The following CTNNA2 variants were observed in gnomAD, a reference collection of about 807,000 sequenced individuals.
CTNNA2 encodes catenin alpha-2.
A neutral mutation model predicts 101.0 loss-of-function variants in CTNNA2; 42 were observed. The ratio of observed to expected loss-of-function variants is 0.42; its 90% CI spans 0.32 to 0.54. CTNNA2 has a LOEUF of 0.54. Ranked by LOEUF, CTNNA2 falls within the 20% of genes least tolerant of loss-of-function variation. The probability of loss-of-function intolerance (pLI) is 0.14; values close to 1 mark genes in which losing one functional copy is unlikely to be tolerated. For synonymous variants in CTNNA2, 450 were observed against 456.4 expected (o/e 0.99, Z 0.18); for missense variants, 871 against 1,223.1 (o/e 0.71, Z 4.29).
intron 1 of CTNNA2, among the ~76,000 whole-genome samples, chr2:79,649,606 A>G (rs1681073614): frequency 6.6e-6 from 1 of 152,204 alleles, no homozygotes; most frequent in Admixed American, 6.5e-5. Flanking sequence ...AATTCTGTAT[A>G]TGACAGAGCT....
At chr2:79,241,848 A>G (rs1296623775) in intron 2 of CTNNA2, among the ~76,000 whole-genome samples, 1 of 152,146 alleles carries the variant, frequency 6.6e-6, no homozygotes, top group East Asian at 1.9e-4. Flanking sequence ...TTAGGAGACT[A>G]ACACCTATAA....
chr2:79,550,901 T>C (rs1168941793), intron 1 of CTNNA2, among the ~76,000 whole-genome samples: 2 of 152,184 alleles, frequency 1.3e-5, no homozygotes, highest in African/African-American at 4.8e-5. Context: ...CTTCCCACTA[T>C]ATCTAAAGAC....
chr2:79,341,051 C>A (rs1677126583), intron 3 of CTNNA2, among the ~76,000 whole-genome samples: 2 of 151,860 alleles, frequency 1.3e-5, no homozygotes, highest in South Asian at 4.2e-4. Flanking sequence ...CTCATTTATT[C>A]TTCACAACAA....
At chr2:79,981,606 C>T (rs546334803) in intron 7 of CTNNA2, among the ~76,000 whole-genome samples, 7 of 152,198 alleles carry the variant, frequency 4.6e-5, no homozygotes, top group East Asian at 1.9e-4. Context: ...TTGGAAAACA[C>T]GGCCACAGTA....
chr2:79,359,789 T>TG (rs138142978), intron 3 of CTNNA2, among the ~76,000 whole-genome samples: 6 of 125,872 alleles, frequency 4.8e-5, no homozygotes, highest in Non-Finnish European at 9.1e-5. Flanking sequence ...AGTCTGAAGG[T>TG]TTTTTTTTTC....
chr2:80,646,415 TA>T (rs1674095805), intron 18 of CTNNA2, among the ~76,000 whole-genome samples: 1 of 152,172 alleles, frequency 6.6e-6, no homozygotes, highest in African/African-American at 2.4e-5. Context: ...GCTGGAATGA[TA>T]TTTGCAGTTC....
chr2:80,604,045 T>C (rs1325137302), intron 15 of CTNNA2, 29 bp from the exon 16 acceptor site: 1 of 1,586,066 alleles, frequency 6.3e-7, no homozygotes, highest in Non-Finnish European at 8.7e-7. Context: ...TTAAGTGGAT[T>C]TCTAATTATG....
At chr2:80,536,324 A>C (rs1691016670) in intron 9 of CTNNA2, among the ~76,000 whole-genome samples, 1 of 152,158 alleles carries the variant, frequency 6.6e-6, no homozygotes, top group African/African-American at 2.4e-5. Context: ...CACATGACTG[A>C]CTATAAATTC....
chr2:79,666,159 A>G (rs1256356022), intron 2 of CTNNA2, among the ~76,000 whole-genome samples: 2 of 152,208 alleles, frequency 1.3e-5, no homozygotes, highest in African/African-American at 4.8e-5. Flanking sequence ...TGCATTTTTT[A>G]AAAATGGTTT....
intron 1 of CTNNA2, among the ~76,000 whole-genome samples, chr2:79,630,391 T>C (rs1428445981): frequency 6.6e-6 from 1 of 152,192 alleles, no homozygotes; most frequent in African/African-American, 2.4e-5. Context: ...CATCAGAGAA[T>C]TGGGCAGGAA....
At position 79,359,560 on chromosome 2, in the gene CTNNA2, C is replaced by T. The variant is rs534225977; in HGVS notation, c.-317-14271C>T. On this transcript the variant is annotated intron_variant, in intron 3 of 21. Coordinates refer to the CTNNA2 transcript ENST00000466387. ...CAACCGGGTTAATAGCAAGAAGGCT[C>T]ATGCTGAATAGGAGGAAAACCCCTT... 2.6e-5 allele frequency among the ~76,000 whole-genome samples: 4 copies of T among 152,276 alleles called. No homozygotes were observed. The South Asian group carries it at 6.2e-4, about 24-fold the overall frequency.
intron 3 of CTNNA2, among the ~76,000 whole-genome samples, chr2:79,852,812 G>A (rs767656309): frequency 3.3e-5 from 5 of 151,998 alleles, no homozygotes; most frequent in Non-Finnish European, 5.9e-5. Flanking sequence ...GAATGGTCTC[G>A]ATCTCTTGAC....
At position 80,538,219 on chromosome 2, in the gene CTNNA2, T is replaced by C. The variant is rs567941039; in HGVS notation, c.1291-6763T>C. On this transcript the variant is annotated intron_variant, in intron 9 of 18. Transcript: ENST00000402739. ...TTTATTTTGTTGTGCAGAAGCTCTT[T>C]AGTTTGATTAGATCCAATTTGTCAA... Among the ~76,000 whole-genome samples the C allele has an allele frequency of 1.1e-4, 17 of 152,324 alleles. 2 individuals carry two copies. The highest frequency in any genetic ancestry group is 3.4e-3 in the Middle Eastern group (1 of 294).
chr2:80,069,842 T>G (rs1278851470), intron 7 of CTNNA2, among the ~76,000 whole-genome samples: 2 of 152,212 alleles, frequency 1.3e-5, no homozygotes, highest in East Asian at 3.8e-4. Context: ...CCCTTTGCCT[T>G]CAGCAAGCAC....
intron 7 of CTNNA2, among the ~76,000 whole-genome samples, chr2:80,096,263 T>A (rs1001555630): frequency 6.6e-6 from 1 of 152,198 alleles, no homozygotes; most frequent in Non-Finnish European, 1.5e-5. Flanking sequence ...TGTTACATAC[T>A]CAGTAGTCGT....
chr2:80,495,864 C>T (rs1165183270), intron 9 of CTNNA2, among the ~76,000 whole-genome samples: 1 of 143,954 alleles, frequency 6.9e-6, no homozygotes, highest in Non-Finnish European at 1.5e-5. Flanking sequence ...AGCTTGAGCC[C>T]GGGAGACGGA....
intron 4 of CTNNA2, among the ~76,000 whole-genome samples, chr2:79,445,218 G>T (rs1678819959): frequency 6.6e-6 from 1 of 152,106 alleles, no homozygotes; most frequent in African/African-American, 2.4e-5. Flanking sequence ...CTAAAAGTCA[G>T]AAGATTTTTG....
intron 7 of CTNNA2, among the ~76,000 whole-genome samples, chr2:80,067,684 G>T (rs1698073729): frequency 6.6e-6 from 1 of 152,194 alleles, no homozygotes; most frequent in Non-Finnish European, 1.5e-5. Flanking sequence ...AATAAAAGAA[G>T]GGAAGTGTGA....
intron 1 of CTNNA2, among the ~76,000 whole-genome samples, chr2:79,616,866 C>A (rs1016098110): frequency 6.6e-6 from 1 of 151,412 alleles, no homozygotes; most frequent in African/African-American, 2.4e-5. Context: ...TGTCATTTTC[C>A]CCTCTTCTTT....
Sources: gnomAD v4.1 joint callset for allele counts (sites outside exome capture counted in the v4.1 genomes callset) on GRCh38, gnomAD v4.1.1 for gene constraint, MANE v1.5 for transcripts, NCBI Gene and HGNC (gene_info 2026-07-23, HGNC 2026-07-21) for gene names.